Variants in SEZ6L observed in about 807,000 individuals in gnomAD.
The protein encoded by SEZ6L is seizure 6-like protein.
A neutral mutation model predicts 106.2 loss-of-function variants in SEZ6L; 37 were observed. The observed-to-expected ratio is 0.35, with a 90% confidence interval of 0.27 to 0.46. The LOEUF (loss-of-function observed/expected upper bound fraction) is 0.46, where lower values mean the gene tolerates loss of function less well. Among genes scored for constraint, SEZ6L ranks in the 20% least tolerant of loss-of-function variants. The probability of loss-of-function intolerance (pLI) is 1.00; values close to 1 mark genes in which losing one functional copy is unlikely to be tolerated. For missense variants in SEZ6L, 1,172 were observed against 1,332.8 expected, an observed-to-expected ratio of 0.88 and a Z score of 1.88; for synonymous variants, 541 against 570.4, an observed-to-expected ratio of 0.95 and a Z score of 0.73.
chr22:26,298,523 C>T (rs2081363437), intron 4 of SEZ6L, among the ~76,000 whole-genome samples: 1 of 152,218 alleles, frequency 6.6e-6, no homozygotes, highest in Admixed American at 6.5e-5. Flanking sequence ...AGCCCAAGCT[C>T]CTGTCTCGCA....
chr22:26,347,635 C>A, intron 10 of SEZ6L, 84 bp from the exon 11 acceptor site: 2 of 1,162,238 alleles, frequency 1.7e-6, no homozygotes, highest in Non-Finnish European at 2.4e-6. Context: ...TTTTTCTCTT[C>A]GCTCATCCCT....
At chr22:26,276,151 C>T (rs968573267) in intron 1 of SEZ6L, among the ~76,000 whole-genome samples, 7 of 152,202 alleles carry the variant, frequency 4.6e-5, no homozygotes, top group Admixed American at 4.6e-4. Context: ...GTACAGTTCC[C>T]GCCTCTTAAA....
At chr22:26,262,262 A>G (rs1391089649) in intron 1 of SEZ6L, among the ~76,000 whole-genome samples, 1 of 151,176 alleles carries the variant, frequency 6.6e-6, no homozygotes, top group Non-Finnish European at 1.5e-5. Context: ...CTATCTATCT[A>G]TCTATCTATC....
At chr22:26,209,090 A>G (rs1941464356) in intron 1 of SEZ6L, among the ~76,000 whole-genome samples, 1 of 151,934 alleles carries the variant, frequency 6.6e-6, no homozygotes, top group Non-Finnish European at 1.5e-5. Flanking sequence ...TCAATTCCAG[A>G]GTTTTTATAC....
At chr22:26,287,262 T>A (rs1325668118) in intron 1 of SEZ6L, among the ~76,000 whole-genome samples, 4 of 152,274 alleles carry the variant, frequency 2.6e-5, no homozygotes, top group Admixed American at 2.6e-4. Context: ...AAGCTCCATC[T>A]CTTCTGTTTG....
chr22:26,364,886 G>T lies in SEZ6L; in HGVS notation c.2600-486G>T, dbSNP rs575715916. The T allele has an allele frequency of 4.3e-4, 66 of 154,320 alleles. No homozygotes were observed. The South Asian group carries it at 9.4e-3, about 22-fold the overall frequency. The allele number at this position is 154,320 out of a possible 1,614,324, so 9.6% of individuals were successfully genotyped here. On this transcript the variant is annotated intron_variant, in intron 12 of 16. Transcript: ENST00000248933. Reference sequence around the variant, plus strand: ...AAGACGTAGTCATAATGGATGCGCAGGTTAGGTGTCAGGTGAAAAGCAAGA... The same window carrying T: ...AAGACGTAGTCATAATGGATGCGCATGTTAGGTGTCAGGTGAAAAGCAAGA...
chr22:26,290,361 C>T (rs1284141635), intron 1 of SEZ6L, among the ~76,000 whole-genome samples: 2 of 152,046 alleles, frequency 1.3e-5, no homozygotes, highest in African/African-American at 4.8e-5. Flanking sequence ...GAAACCCTGT[C>T]TCTACTAAAA....
intron 1 of SEZ6L, among the ~76,000 whole-genome samples, chr22:26,228,052 T>G (rs2078687815): frequency 6.6e-6 from 1 of 152,196 alleles, no homozygotes; most frequent in Admixed American, 6.5e-5. Flanking sequence ...TACATTCACT[T>G]ACTTAACAAA....
At chr22:26,183,242 T>C (rs1939527755) in intron 1 of SEZ6L, among the ~76,000 whole-genome samples, 1 of 152,208 alleles carries the variant, frequency 6.6e-6, no homozygotes, top group Admixed American at 6.5e-5. Context: ...TTCTCTTTAT[T>C]TCAGACATTC....
At chr22:26,288,359 A>G (rs1327395853) in intron 1 of SEZ6L, among the ~76,000 whole-genome samples, 6 of 152,148 alleles carry the variant, frequency 3.9e-5, no homozygotes, top group Admixed American at 2.6e-4. Flanking sequence ...CCACCCCTGG[A>G]GATTCAGATG....
intron 1 of SEZ6L, among the ~76,000 whole-genome samples, chr22:26,217,721 T>C (rs749557026): frequency 6.6e-6 from 1 of 152,236 alleles, no homozygotes; most frequent in Non-Finnish European, 1.5e-5. Context: ...AAGATCAGCT[T>C]ATATGGCCCC....
intron 1 of SEZ6L, among the ~76,000 whole-genome samples, chr22:26,280,753 T>C (rs2080736639): frequency 6.6e-6 from 1 of 152,174 alleles, no homozygotes. Context: ...AGAGAACTCA[T>C]TTTTCAAAAT....
At chr22:26,197,693 T>C (rs937591626) in intron 1 of SEZ6L, among the ~76,000 whole-genome samples, 2 of 152,166 alleles carry the variant, frequency 1.3e-5, no homozygotes, top group African/African-American at 2.4e-5. Flanking sequence ...CCCAGGGTTA[T>C]ATAATATGTA....
chr22:26,172,214 G>C (rs1403346408), intron 1 of SEZ6L, among the ~76,000 whole-genome samples: 2 of 151,932 alleles, frequency 1.3e-5, no homozygotes, highest in African/African-American at 4.8e-5. Context: ...GCTCAATAAG[G>C]CTCAAATTTG....
chr22:26,319,334 A>G (rs528933800), intron 9 of SEZ6L, among the ~76,000 whole-genome samples: 1 of 151,990 alleles, frequency 6.6e-6, no homozygotes, highest in South Asian at 2.1e-4. Flanking sequence ...TTTAACCAAC[A>G]CTCAGTGATC....
At chr22:26,240,154 G>T (rs912964303) in intron 1 of SEZ6L, among the ~76,000 whole-genome samples, 1 of 151,634 alleles carries the variant, frequency 6.6e-6, no homozygotes, top group Admixed American at 6.6e-5. Flanking sequence ...GGCACATAGA[G>T]GATGCACAAG....
At chr22:26,212,045 C>T (rs2078176309) in intron 1 of SEZ6L, among the ~76,000 whole-genome samples, 1 of 151,916 alleles carries the variant, frequency 6.6e-6, no homozygotes, top group South Asian at 2.1e-4. Flanking sequence ...ATGTGACGGA[C>T]AAGTGGAAGC....
chr22:26,363,176 C>T (rs1407695703), intron 12 of SEZ6L, among the ~76,000 whole-genome samples: 1 of 152,156 alleles, frequency 6.6e-6, no homozygotes, highest in Non-Finnish European at 1.5e-5. Flanking sequence ...TCAGAAGAAT[C>T]CAGAAATCTA....
At chr22:26,376,956 G>A (rs1353523605) in intron 15 of SEZ6L, among the ~76,000 whole-genome samples, 1 of 151,922 alleles carries the variant, frequency 6.6e-6, no homozygotes, top group East Asian at 1.9e-4. Context: ...ATAGGTAGGT[G>A]TGGTGAGTAA....
Sources: gnomAD v4.1 joint callset for allele counts (sites outside exome capture counted in the v4.1 genomes callset) on GRCh38, gnomAD v4.1.1 for gene constraint, MANE v1.5 for transcripts, NCBI Gene and HGNC (gene_info 2026-07-23, HGNC 2026-07-21) for gene names.